Variants in ADAM32 observed in about 807,000 individuals in gnomAD.
The protein encoded by ADAM32 is disintegrin and metalloproteinase domain-containing protein 32.
A neutral mutation model predicts 114.9 loss-of-function variants in ADAM32; 89 were observed. That is an observed-to-expected ratio of 0.77 (90% CI 0.65 to 0.92). The LOEUF (loss-of-function observed/expected upper bound fraction) is 0.92, where lower values mean the gene tolerates loss of function less well. Ranked by LOEUF, ADAM32 falls within the 40% of genes least tolerant of loss-of-function variation. The probability of loss-of-function intolerance (pLI) is 0.00; values close to 1 mark genes in which losing one functional copy is unlikely to be tolerated. For missense variants in ADAM32, 870 were observed against 932.8 expected (o/e 0.93, Z 0.88); for synonymous variants, 285 against 307.5 (o/e 0.93, Z 0.77).
At chr8:39,235,761 A>T (rs1387926888) in intron 16 of ADAM32, among the ~76,000 whole-genome samples, 2 of 152,210 alleles carry the variant, frequency 1.3e-5, no homozygotes, top group Non-Finnish European at 2.9e-5. Flanking sequence ...CCAGGCAGAC[A>T]GTAGATACTA....
intron 11 of ADAM32, among the ~76,000 whole-genome samples, chr8:39,199,378 T>C (rs1467010787): frequency 6.6e-6 from 1 of 152,228 alleles, no homozygotes; most frequent in Non-Finnish European, 1.5e-5. Context: ...ATGTGTCATG[T>C]AGGCTTTCTG....
At chr8:39,236,928 A>T (rs1810188570) in intron 16 of ADAM32, among the ~76,000 whole-genome samples, 1 of 152,210 alleles carries the variant, frequency 6.6e-6, no homozygotes. Flanking sequence ...TTGCTGCAAG[A>T]ACCACTGCAG....
At chr8:39,148,211 C>T (rs1212077876) in intron 4 of ADAM32, among the ~76,000 whole-genome samples, 3 of 152,192 alleles carry the variant, frequency 2.0e-5, no homozygotes, top group African/African-American at 7.2e-5. Flanking sequence ...CACCTGGTTC[C>T]CTTTTACCTC....
At chr8:39,188,363 G>A (rs1564561893) in intron 11 of ADAM32, among the ~76,000 whole-genome samples, 1 of 102,248 alleles carries the variant, frequency 9.8e-6, no homozygotes, top group African/African-American at 3.5e-5. Flanking sequence ...AATGGAATCT[G>A]TCTATCTATC....
intron 11 of ADAM32, among the ~76,000 whole-genome samples, chr8:39,191,640 T>G (rs1408296293): frequency 6.6e-6 from 1 of 152,250 alleles, no homozygotes; most frequent in Non-Finnish European, 1.5e-5. Context: ...TTATAGATGC[T>G]GGATATTAGA....
Position 39,120,484 on chromosome 8 carries a change from G to A in ADAM32, c.138+2319G>A, listed in dbSNP as rs28864712. On this transcript the variant is annotated intron_variant, in intron 2 of 24. Coordinates refer to ENST00000379907, the MANE Select transcript of ADAM32 (RefSeq NM_145004.7). ...TGAACATTAAAGGTGTTCCTGGGCC[G>A]GGCACGGTGGCTCACACCTGTAATC... 2.1e-3 allele frequency among the ~76,000 whole-genome samples: 322 copies of A among 152,194 alleles called. 1 individual carries two copies. The highest frequency in any genetic ancestry group is 7.0e-3 in the African/African-American group (290 of 41,538).
intron 22 of ADAM32, among the ~76,000 whole-genome samples, chr8:39,277,987 T>A (rs1338811283): frequency 2.0e-5 from 3 of 152,226 alleles, no homozygotes; most frequent in Admixed American, 2.0e-4. Context: ...CAAACTCTTG[T>A]CTGGCATCCA....
chr8:39,192,826 A>G (rs185288417), intron 11 of ADAM32, among the ~76,000 whole-genome samples: 2 of 152,278 alleles, frequency 1.3e-5, no homozygotes, highest in African/African-American at 4.8e-5. Context: ...TTTCTTTAAG[A>G]ACATTGAATA....
At chr8:39,239,070 A>T (rs1057215615) in intron 16 of ADAM32, among the ~76,000 whole-genome samples, 1 of 152,160 alleles carries the variant, frequency 6.6e-6, no homozygotes, top group African/African-American at 2.4e-5. Context: ...ACCTCGAAGA[A>T]TACCTGGAAA....
intron 20 of ADAM32, among the ~76,000 whole-genome samples, chr8:39,271,539 CAA>C (rs5891057): frequency 0.013 from 1,653 of 128,994 alleles, 17 homozygotes; most frequent in African/African-American, 0.024. Flanking sequence ...TGAAAAACCT[CAA>C]AAAAAAAAAA....
chr8:39,261,174 C>T (rs1037813284), intron 19 of ADAM32, among the ~76,000 whole-genome samples: 22 of 152,130 alleles, frequency 1.4e-4, no homozygotes, highest in African/African-American at 4.3e-4. Context: ...TCGCATATCT[C>T]GCTGTAACTT....
At chr8:39,283,656 A>C (rs772975340) in intron 24 of ADAM32, 32 bp downstream of exon 24, 1 of 1,532,360 alleles carries the variant, frequency 6.5e-7, no homozygotes, top group Non-Finnish European at 9.0e-7. Flanking sequence ...TCTTAAAATA[A>C]ATACATGTAT....
chr8:39,165,559 T>A, intron 9 of ADAM32: 1 of 157,504 alleles, frequency 6.3e-6, no homozygotes, highest in Non-Finnish European at 1.4e-5. Context: ...TTTACATTCT[T>A]AAATAAGCTT....
intron 1 of ADAM32, among the ~76,000 whole-genome samples, chr8:39,117,884 G>A (rs1231694074): frequency 6.6e-6 from 1 of 152,048 alleles, no homozygotes; most frequent in African/African-American, 2.4e-5. Context: ...TGTGCGAGCT[G>A]CATACCTCTT....
chr8:39,279,805 A>G (rs751721247), intron 22 of ADAM32, among the ~76,000 whole-genome samples: 6 of 152,002 alleles, frequency 3.9e-5, no homozygotes, highest in Non-Finnish European at 8.8e-5. Context: ...TTTGTTTTGC[A>G]ATTTAGGTTG....
At chr8:39,189,488 A>C (rs1449914758) in intron 11 of ADAM32, among the ~76,000 whole-genome samples, 1 of 152,068 alleles carries the variant, frequency 6.6e-6, no homozygotes, top group Non-Finnish European at 1.5e-5. Flanking sequence ...AATTCTATTG[A>C]TATATAATAA....
intron 19 of ADAM32, among the ~76,000 whole-genome samples, chr8:39,269,201 CAGAG>C (rs1260785265): frequency 1.3e-5 from 2 of 152,280 alleles, no homozygotes; most frequent in Non-Finnish European, 2.9e-5. Flanking sequence ...CACCTCAACT[CAGAG>C]AGACTACTGG....
At chr8:39,242,442 A>G (rs551526481) in intron 16 of ADAM32, among the ~76,000 whole-genome samples, 5 of 152,374 alleles carry the variant, frequency 3.3e-5, no homozygotes, top group Admixed American at 6.5e-5. Context: ...TGCAAAAGAA[A>G]GAAGTTTAAT....
intron 6 of ADAM32, chr8:39,157,521 A>G: frequency 2.2e-6 from 1 of 459,218 alleles, no homozygotes; most frequent in East Asian, 5.8e-5. Context: ...CATCAGCTGT[A>G]CAATCTGTTC....
Sources: allele counts gnomAD v4.1 joint callset (sites outside exome capture counted in the v4.1 genomes callset), GRCh38; gene constraint gnomAD v4.1.1; transcripts MANE v1.5; gene names NCBI Gene and HGNC (gene_info 2026-07-23, HGNC 2026-07-21).